RMDN2: variants seen among roughly 807,000 people sequenced by gnomAD.
RMDN2 encodes regulator of microtubule dynamics 2, also known as regulator of microtubule dynamics protein 2.
In RMDN2, 61 loss-of-function variants were observed where a neutral mutation model predicts 52.8. That is an observed-to-expected ratio of 1.16 (90% CI 0.94 to 1.43). RMDN2 has a LOEUF of 1.43. RMDN2 is among the 40% of genes most tolerant of loss of function. The pLI, the probability that RMDN2 is intolerant of heterozygous loss-of-function variation, is 0.00. For missense variants in RMDN2, 592 were observed against 475.3 expected (o/e 1.25, Z -2.28); for synonymous variants, 180 against 153.1 (o/e 1.18, Z -1.30).
chr2:37,957,257 A>G (rs1251123221), intron 2 of RMDN2, among the ~76,000 whole-genome samples: 2 of 152,166 alleles, frequency 1.3e-5, no homozygotes, highest in Non-Finnish European at 2.9e-5. Context: ...GGTTGAACTA[A>G]TTTACACTCC....
chr2:37,976,022 A>T (rs1052747141), intron 4 of RMDN2, among the ~76,000 whole-genome samples: 2 of 152,258 alleles, frequency 1.3e-5, no homozygotes, highest in African/African-American at 4.8e-5. Flanking sequence ...AAAGTAACAC[A>T]TCTTACTTCC....
At chr2:38,034,993 C>G (rs528583685) in intron 10 of RMDN2, among the ~76,000 whole-genome samples, 24 of 152,164 alleles carry the variant, frequency 1.6e-4, no homozygotes, top group African/African-American at 5.5e-4. Flanking sequence ...GAGATACTAG[C>G]TCTAATTAGG....
At chr2:37,963,919 G>A (rs1164555883) in intron 2 of RMDN2, among the ~76,000 whole-genome samples, 5 of 142,838 alleles carry the variant, frequency 3.5e-5, no homozygotes, top group East Asian at 4.2e-4. Context: ...CCCACCTCCC[G>A]GACGGGGCGG....
chr2:38,027,665 AGT>A, intron 10 of RMDN2, among the ~76,000 whole-genome samples: 1 of 152,346 alleles, frequency 6.6e-6, no homozygotes, highest in African/African-American at 2.4e-5. Flanking sequence ...ATTTTTCAAT[AGT>A]AACCTTGTGC....
chr2:38,014,667 A>G (rs1678493361), intron 10 of RMDN2, among the ~76,000 whole-genome samples: 1 of 152,226 alleles, frequency 6.6e-6, no homozygotes. Flanking sequence ...TTTCTAAACC[A>G]TATTTTTCCA....
Position 37,929,355 on chromosome 2 carries a change from G to T in RMDN2, c.78G>T (p.Trp26Cys), listed in dbSNP as rs567727832. 6.4e-7 allele frequency: 1 copy of T among 1,551,898 alleles called. No homozygotes were observed. The highest frequency in any genetic ancestry group is 8.7e-7 in the Non-Finnish European group (1 of 1,146,964). Residue 26 changes from tryptophan (W) to cysteine (C), a missense_variant, in exon 2 of 11, where the codon TGG becomes TGT. Transcript: ENST00000354545. ...CTGGAATCAGCTTGCTGCTCTTGTG[G>T]TACCACAAGGTCCGTAAACCAGGGA... ...GTAGISLLLL[W>C]YHKVRKPGIA... is the part of the protein sequence containing the mutation.
chr2:37,964,277 G>A (rs1448201457), intron 2 of RMDN2, among the ~76,000 whole-genome samples: 2 of 152,346 alleles, frequency 1.3e-5, no homozygotes, highest in East Asian at 1.9e-4. Context: ...GGTTGAGTCC[G>A]TTGTACAAAA....
In RMDN2 at chr2:37,950,624, T is replaced by C. The variant is rs745475958; in HGVS notation, c.452+20895T>C. The C allele has an allele frequency of 3.1e-6, 5 of 1,608,408 alleles. No individual in the cohort carries two copies. The African/African-American group carries it at 6.7e-5, about 22-fold the overall frequency. On this transcript the variant is annotated intron_variant, in intron 2 of 10. Coordinates refer to ENST00000354545, the MANE Select transcript of RMDN2 (RefSeq NM_001170791.3). ...AGCCTTAGAAAAAAACTTCAACATGTGCTAAAAGAACATTGAAAATATTCA... is the reference window on the plus strand; with the variant it reads ...AGCCTTAGAAAAAAACTTCAACATGCGCTAAAAGAACATTGAAAATATTCA...
intron 2 of RMDN2, among the ~76,000 whole-genome samples, chr2:37,937,848 G>A (rs1667439067): frequency 6.6e-6 from 1 of 152,146 alleles, no homozygotes; most frequent in Non-Finnish European, 1.5e-5. Flanking sequence ...GAGATAATTT[G>A]ACTTCCTCTC....
downstream of RMDN2, among the ~76,000 whole-genome samples, chr2:38,021,507 T>C (rs1377322830): frequency 6.6e-6 from 1 of 152,168 alleles, no homozygotes; most frequent in Non-Finnish European, 1.5e-5. Flanking sequence ...GCTTCACTCC[T>C]GAGCCAGCGA....
intron 4 of RMDN2, among the ~76,000 whole-genome samples, chr2:37,980,700 TGA>T (rs1673193805): frequency 6.6e-6 from 1 of 152,212 alleles, no homozygotes; most frequent in African/African-American, 2.4e-5. Context: ...TTATTGTGAA[TGA>T]TTAGGCAAGA....
chr2:37,975,168 G>T (rs769915334), intron 3 of RMDN2, 44 bp from the exon 4 acceptor site: 6 of 1,147,498 alleles, frequency 5.2e-6, no homozygotes, highest in Non-Finnish European at 7.9e-6. Flanking sequence ...GAATAGACAA[G>T]TTACCAAGTT....
downstream of RMDN2, among the ~76,000 whole-genome samples, chr2:38,020,771 G>GC (rs895713148): frequency 2.6e-5 from 4 of 152,166 alleles, no homozygotes; most frequent in African/African-American, 4.8e-5. Context: ...GGGACCTGCA[G>GC]CCCCCCATGC....
intron 2 of RMDN2, among the ~76,000 whole-genome samples, chr2:37,960,468 CT>C (rs1036794071): frequency 2.0e-5 from 3 of 150,752 alleles, no homozygotes; most frequent in Non-Finnish European, 4.4e-5. Context: ...GCAACCCCTG[CT>C]TTTTTTTTGC....
chr2:37,950,907 C>G (rs921468616), intron 2 of RMDN2, among the ~76,000 whole-genome samples: 1 of 152,010 alleles, frequency 6.6e-6, no homozygotes, highest in African/African-American at 2.4e-5. Context: ...TCTTTTTGTT[C>G]TGGTATCCTT....
At chr2:37,953,989 A>G (rs146436481) in intron 2 of RMDN2, among the ~76,000 whole-genome samples, 6 of 152,010 alleles carry the variant, frequency 3.9e-5, no homozygotes, top group African/African-American at 1.4e-4. Context: ...GCCCATTTGT[A>G]TATCTTCTTT....
At chr2:37,972,115 C>A (rs756021038) in intron 2 of RMDN2, among the ~76,000 whole-genome samples, 1 of 152,050 alleles carries the variant, frequency 6.6e-6, no homozygotes, top group African/African-American at 2.4e-5. Context: ...GAGGTCACTG[C>A]AAATTGAATA....
At chr2:38,040,871 T>G (rs917810490) in intron 10 of RMDN2, among the ~76,000 whole-genome samples, 3 of 152,244 alleles carry the variant, frequency 2.0e-5, no homozygotes, top group African/African-American at 4.8e-5. Flanking sequence ...GCTCTTCATT[T>G]ATTTAGATTT....
At chr2:37,962,325 G>T (rs1670351037) in intron 2 of RMDN2, among the ~76,000 whole-genome samples, 3 of 152,214 alleles carry the variant, frequency 2.0e-5, no homozygotes. Flanking sequence ...CTGTCCCAGG[G>T]TGATGGGAGT....
Sources: gnomAD v4.1 joint callset for allele counts (sites outside exome capture counted in the v4.1 genomes callset) on GRCh38, gnomAD v4.1.1 for gene constraint, MANE v1.5 for transcripts, NCBI Gene and HGNC (gene_info 2026-07-23, HGNC 2026-07-21) for gene names.